The following AEBP2 variants were observed in gnomAD, a reference collection of about 807,000 sequenced individuals.
AEBP2 encodes AE binding protein 2.
Under a neutral mutation model 50.8 loss-of-function variants are expected in AEBP2, and 10 were observed. The ratio of observed to expected loss-of-function variants is 0.20; its 90% CI spans 0.12 to 0.33. AEBP2 has a LOEUF of 0.33. AEBP2 is among the 10% of genes least tolerant of loss of function. The pLI is 1.00. For synonymous variants in AEBP2, 296 were observed against 261.3 expected (o/e 1.13, Z -1.28); for missense variants, 570 against 688.0 (o/e 0.83, Z 1.92).
intron 1 of AEBP2, among the ~76,000 whole-genome samples, chr12:19,445,482 G>A (rs921446788): frequency 1.3e-5 from 2 of 151,862 alleles, no homozygotes; most frequent in Non-Finnish European, 2.9e-5. Flanking sequence ...CCAAAGTGCC[G>A]GGATTATGGG....
Position 19,440,070 on chromosome 12 carries a change from G to A in AEBP2, c.371G>A (p.Ser124Asn). Residue 124 changes from serine to asparagine, a missense_variant, in exon 1 of 8, where the codon AGC (serine) becomes AAC (asparagine). Physicochemically the swap from Ser to Asn is conservative, Grantham distance 46. Transcript: ENST00000266508. The stretch of plus-strand genomic sequence containing the variant: ...GGTGAGGAGGAGAGTAGCGCCGAGA[G>A]CCTGGTGGGCAGCAGCGGCGGGAGC... ...GGGEEESSAE[S>N]LVGSSGGSSS... 5 of 1,514,300 alleles carry A rather than the reference G, an allele frequency of 3.3e-6. No individual in the cohort carries two copies. The highest frequency in any genetic ancestry group is 8.8e-7 in the Non-Finnish European group (1 of 1,137,042). 93.8% of individuals were successfully genotyped at this position (1,514,300 alleles called of 1,614,324 possible).
intron 4 of AEBP2, among the ~76,000 whole-genome samples, chr12:19,498,387 T>C (rs1231630342): frequency 6.6e-6 from 1 of 152,204 alleles, no homozygotes. Context: ...TTATTACTAG[T>C]TGGTGTTTTG....
chr12:19,458,220 G>T (rs1432285623), intron 1 of AEBP2, among the ~76,000 whole-genome samples: 2 of 152,154 alleles, frequency 1.3e-5, no homozygotes, highest in Non-Finnish European at 2.9e-5. Flanking sequence ...TGTTGCATCA[G>T]GTCTGTTGCC....
At chr12:19,517,984 T>TG in intron 7 of AEBP2, 103 bp from the exon 8 acceptor site, 1 of 1,034,770 alleles carries the variant, frequency 9.7e-7, no homozygotes, top group East Asian at 2.8e-5. Flanking sequence ...TAATCTATGA[T>TG]CATCACATTG....
At chr12:19,497,343 T>TTTTC (rs1315158365) in intron 4 of AEBP2, among the ~76,000 whole-genome samples, 3 of 145,308 alleles carry the variant, frequency 2.1e-5, no homozygotes, top group Non-Finnish European at 4.5e-5. Flanking sequence ...TTTTTTTTTT[T>TTTTC]TTTTTTTTTG....
intron 1 of AEBP2, among the ~76,000 whole-genome samples, chr12:19,420,469 G>A (rs1172431368): frequency 6.6e-6 from 1 of 151,122 alleles, no homozygotes; most frequent in Non-Finnish European, 1.5e-5. Flanking sequence ...AAGTAGCTGG[G>A]ATTACAGGTG....
chr12:19,463,956 G>A (rs923863623), intron 2 of AEBP2, among the ~76,000 whole-genome samples: 4 of 152,126 alleles, frequency 2.6e-5, no homozygotes, highest in African/African-American at 9.7e-5. Context: ...GTGAGTCACC[G>A]TGTGTGACCG....
chr12:19,488,086 C>G (rs1205422947), intron 3 of AEBP2, among the ~76,000 whole-genome samples: 1 of 151,182 alleles, frequency 6.6e-6, no homozygotes, highest in African/African-American at 2.4e-5. Context: ...TGTTGTTGCC[C>G]TCATTTTTTA....
chr12:19,443,935 T>C (rs1948011335), intron 1 of AEBP2, among the ~76,000 whole-genome samples: 1 of 152,150 alleles, frequency 6.6e-6, no homozygotes, highest in South Asian at 2.1e-4. Flanking sequence ...AATTTAGAAA[T>C]TCTTGAAATT....
chr12:19,406,461 CTGAGGTCAGGAGTTCGAGATCAGCCTG>C (rs1466207301), intron 1 of AEBP2, among the ~76,000 whole-genome samples: 8 of 151,950 alleles, frequency 5.3e-5, no homozygotes, highest in African/African-American at 1.9e-4. Flanking sequence ...GGTGGATTAC[CTGAGGTCAGGAGTTCGAGATCAGCCTG>C]ACCAATATGA....
chr12:19,472,872 A>T (rs767204161), intron 2 of AEBP2, among the ~76,000 whole-genome samples: 3 of 152,146 alleles, frequency 2.0e-5, no homozygotes, highest in Non-Finnish European at 2.9e-5. Flanking sequence ...TACCTTTCAT[A>T]AAAGGTAAAA....
At position 19,521,534 on chromosome 12, in the gene AEBP2, C is replaced by T. The variant is rs575299114; in HGVS notation, c.*3417C>T. 4.3e-4 allele frequency: 66 copies of T among 152,010 alleles called. No individual in the cohort carries two copies. Among genetic ancestry groups the T allele is most frequent in the African/African-American group, 1.6e-3 (65 of 41,510 alleles). The allele number at this position is 152,010 out of a possible 1,614,324, so 9.4% of individuals were successfully genotyped here. A position where few individuals can be genotyped will look rare whatever the true frequency, so the allele number is the denominator to read the frequency against. ...GTAAAATTTAAAATTTTTTATATTT[C>T]TAATAAACTTTTTATATATAAATGT... On this transcript the variant is annotated 3_prime_UTR_variant, in exon 8 of 8. Coordinates refer to ENST00000266508, the MANE Select transcript of AEBP2 (RefSeq NM_153207.5).
intron 2 of AEBP2, 63 bp from the exon 3 acceptor site, chr12:19,473,183 ATG>A (rs895439876): frequency 3.0e-6 from 2 of 655,896 alleles, no homozygotes; most frequent in African/African-American, 3.9e-5. Context: ...ATTTGAATGT[ATG>A]AGGAATCAAA....
intron 2 of AEBP2, among the ~76,000 whole-genome samples, chr12:19,466,349 C>T (rs572208610): frequency 6.6e-5 from 10 of 151,908 alleles, no homozygotes; most frequent in South Asian, 2.1e-4. Flanking sequence ...TTAGCCACTC[C>T]GGGGGATGAG....
chr12:19,478,575 C>T (rs1948684746), intron 3 of AEBP2, among the ~76,000 whole-genome samples: 1 of 152,198 alleles, frequency 6.6e-6, no homozygotes, highest in African/African-American at 2.4e-5. Flanking sequence ...TAGACGTCAA[C>T]CACCTTGCCT....
intron 1 of AEBP2, chr12:19,456,110 T>TAA: frequency 7.7e-6 from 4 of 516,994 alleles, no homozygotes; most frequent in Admixed American, 3.3e-5. Flanking sequence ...TCTCCTTTCC[T>TAA]TCTGAAGGTT....
intron 1 of AEBP2, among the ~76,000 whole-genome samples, chr12:19,412,737 G>A (rs549621897): frequency 6.6e-6 from 1 of 152,204 alleles, no homozygotes; most frequent in African/African-American, 2.4e-5. Context: ...TATGGAAAGG[G>A]GTCCCGAACA....
At chr12:19,453,989 G>A (rs199923009) in intron 1 of AEBP2, among the ~76,000 whole-genome samples, 1 of 151,930 alleles carries the variant, frequency 6.6e-6, no homozygotes, top group East Asian at 1.9e-4. Flanking sequence ...ATTCTGTTTT[G>A]GCTGCTTGGT....
rs1947909006 is a variant in AEBP2 at position 19,439,743 on chromosome 12, C to T, written c.44C>T (p.Ser15Phe). The T allele has an allele frequency of 6.6e-7, 1 of 1,516,456 alleles. No homozygotes were observed. The highest frequency in any genetic ancestry group is 8.8e-7 in the Non-Finnish European group (1 of 1,139,062). The allele number at this position is 1,516,456 out of a possible 1,614,324, so 93.9% of individuals were successfully genotyped here. A position where few individuals can be genotyped will look rare whatever the true frequency, so the allele number is the denominator to read the frequency against. Residue 15 changes from serine to phenylalanine, a missense_variant, in exon 1 of 8, where the codon TCC becomes TTC. Ser to Phe is a radical substitution (Grantham distance 155, BLOSUM62 -2). Transcript: ENST00000266508. ...ITDMADLEEL[S>F]RLSPLPPGSP... ...GACATGGCCGACCTGGAGGAGCTCT[C>T]CCGCCTGAGCCCTCTGCCCCCCGGC...
Sources: allele counts gnomAD v4.1 joint callset (sites outside exome capture counted in the v4.1 genomes callset), GRCh38; gene constraint gnomAD v4.1.1; transcripts MANE v1.5; gene names NCBI Gene and HGNC (gene_info 2026-07-23, HGNC 2026-07-21).